The following DIP2B variants were observed in gnomAD, a reference collection of about 807,000 sequenced individuals.
DIP2B encodes the protein DIP2 acetate--CoA ligase B (putative).
DIP2B carries 76 observed loss-of-function variants against 198.0 expected under a neutral mutation model. The ratio of observed to expected loss-of-function variants is 0.38; its 90% CI spans 0.32 to 0.46. The LOEUF (loss-of-function observed/expected upper bound fraction) is 0.46. Among genes scored for constraint, DIP2B ranks in the 20% least tolerant of loss-of-function variants. DIP2B has a pLI of 0.99. For synonymous variants in DIP2B, 701 were observed against 739.1 expected, an observed-to-expected ratio of 0.95 and a Z score of 0.84; for missense variants, 1,559 against 1,978.4, an observed-to-expected ratio of 0.79 and a Z score of 4.02.
intron 1 of DIP2B, among the ~76,000 whole-genome samples, chr12:50,558,812 A>C (rs1958493150): frequency 6.6e-6 from 1 of 152,206 alleles, no homozygotes; most frequent in African/African-American, 2.4e-5. Context: ...TTGAAAACCC[A>C]GAAGGCTCAG....
intron 28 of DIP2B, 117 bp downstream of exon 28, chr12:50,725,003 CAG>C: frequency 2.0e-6 from 2 of 999,324 alleles, no homozygotes; most frequent in South Asian, 1.4e-5. Context: ...CCTGCTAAGA[CAG>C]AGGCAAAACC....
chr12:50,578,920 T>G (rs186432573), intron 1 of DIP2B, among the ~76,000 whole-genome samples: 2 of 152,324 alleles, frequency 1.3e-5, no homozygotes, highest in East Asian at 3.9e-4. Flanking sequence ...AACTGTACAC[T>G]TTTAAATTAT....
At position 50,748,127 on chromosome 12, in the gene DIP2B, T is replaced by TA. The variant is rs1447635737; in HGVS notation, c.*3290dup. The TA allele has an allele frequency of 3.3e-5, 5 of 152,658 alleles. No homozygotes were observed. The highest frequency in any genetic ancestry group is 1.2e-4 in the African/African-American group (5 of 41,450). 9.5% of individuals were successfully genotyped at this position (152,658 alleles called of 1,614,324 possible). On this transcript the variant is annotated 3_prime_UTR_variant, in exon 38 of 38. Coordinates refer to ENST00000301180, the MANE Select transcript of DIP2B (RefSeq NM_173602.3). ...GGGCCCGAGGCCTTAGGTTTTCTAT[T>TA]AAGGTCTCTGCCCCAGGCATGGTGC...
At chr12:50,623,392 TACACACACAC>T (rs55689070) in intron 1 of DIP2B, among the ~76,000 whole-genome samples, 1,923 of 94,168 alleles carry the variant, frequency 0.02, 19 homozygotes, top group Non-Finnish European at 0.027. Flanking sequence ...TATATGTATC[TACACACACAC>T]ACACACACAC....
At chr12:50,608,583 G>A (rs1274546896) in intron 1 of DIP2B, among the ~76,000 whole-genome samples, 1 of 148,436 alleles carries the variant, frequency 6.7e-6, no homozygotes, top group Non-Finnish European at 1.5e-5. Context: ...CTGAGTTCGT[G>A]CCACTACACT....
chr12:50,521,094 G>GTTTTTTTTTT (rs386376482), intron 1 of DIP2B, among the ~76,000 whole-genome samples: 3 of 94,320 alleles, frequency 3.2e-5, no homozygotes, highest in Non-Finnish European at 6.1e-5. Flanking sequence ...TTCAGCAACA[G>GTTTTTTTTTT]TTTTTTTTTT....
At chr12:50,624,330 T>C (rs1469314200) in intron 1 of DIP2B, among the ~76,000 whole-genome samples, 2 of 152,084 alleles carry the variant, frequency 1.3e-5, no homozygotes, top group Non-Finnish European at 2.9e-5. Flanking sequence ...TTCACCCTAC[T>C]TTCTTTCTTT....
chr12:50,579,885 G>A (rs1409548281), intron 1 of DIP2B, among the ~76,000 whole-genome samples: 1 of 151,060 alleles, frequency 6.6e-6, no homozygotes, highest in Non-Finnish European at 1.5e-5. Context: ...GATTGGCCTG[G>A]TAGGTGTGCT....
At chr12:50,676,677 C>T (rs2700477) in intron 7 of DIP2B, among the ~76,000 whole-genome samples, 146,561 of 152,312 alleles carry the variant, frequency 0.96, 70,762 homozygotes, top group East Asian at 1. Context: ...GAGTAATTGT[C>T]ACCTTTGGAA....
At chr12:50,640,545 T>A (rs1938237645) in intron 2 of DIP2B, among the ~76,000 whole-genome samples, 179 bp from the exon 3 acceptor site, 1 of 152,238 alleles carries the variant, frequency 6.6e-6, no homozygotes, top group Non-Finnish European at 1.5e-5. Context: ...TCTAAGATGA[T>A]ATTTTTTAGT....
chr12:50,617,665 C>G (rs925421360), intron 1 of DIP2B, among the ~76,000 whole-genome samples: 1 of 151,974 alleles, frequency 6.6e-6, no homozygotes, highest in Non-Finnish European at 1.5e-5. Context: ...AAAAATTACC[C>G]GGCAGTGGTG....
At chr12:50,539,902 G>C (rs1231353104) in intron 1 of DIP2B, among the ~76,000 whole-genome samples, 1 of 151,900 alleles carries the variant, frequency 6.6e-6, no homozygotes, top group Non-Finnish European at 1.5e-5. Flanking sequence ...GAATTCTTCT[G>C]ATTTGTCTTT....
intron 1 of DIP2B, among the ~76,000 whole-genome samples, chr12:50,563,685 G>A (rs1958539636): frequency 6.6e-6 from 1 of 150,382 alleles, no homozygotes; most frequent in African/African-American, 2.5e-5. Flanking sequence ...TTATGGGTAT[G>A]GGGTGTCACT....
At chr12:50,666,831 C>T (rs1197204786) in intron 4 of DIP2B, among the ~76,000 whole-genome samples, 1 of 152,074 alleles carries the variant, frequency 6.6e-6, no homozygotes, top group Admixed American at 6.5e-5. Context: ...ACCATCCTGG[C>T]TAACACGCTG....
rs867727897 is a variant in DIP2B, at chr12:50,541,959, G to A, written c.100+36719G>A. ...GGAGGTTGCAGTGAGCCGAAATTGC[G>A]CCACTGCACTCCAGCCTAGGTGACA... On this transcript the variant is annotated intron_variant, in intron 1 of 37. Coordinates refer to ENST00000301180, the MANE Select transcript of DIP2B (RefSeq NM_173602.3). Among the ~76,000 whole-genome samples the A allele has an allele frequency of 1.4e-4, 21 of 150,888 alleles. No individual in the cohort carries two copies. In the Middle Eastern group the frequency reaches 0.01, roughly 75 times the overall value.
intron 1 of DIP2B, among the ~76,000 whole-genome samples, chr12:50,533,720 C>G (rs552772467): frequency 6.6e-6 from 1 of 151,832 alleles, no homozygotes; most frequent in Non-Finnish European, 1.5e-5. Flanking sequence ...GCAATCCTCC[C>G]GCCTCAGCCT....
chr12:50,542,892 A>AG (rs1468991754), intron 1 of DIP2B, among the ~76,000 whole-genome samples: 1 of 152,032 alleles, frequency 6.6e-6, no homozygotes, highest in African/African-American at 2.4e-5. Context: ...TTCTTAGACA[A>AG]GGTCTCATTG....
intron 9 of DIP2B, among the ~76,000 whole-genome samples, chr12:50,682,682 A>G (rs1442602781): frequency 6.6e-6 from 1 of 151,586 alleles, no homozygotes; most frequent in Non-Finnish European, 1.5e-5. Context: ...TGGCCCTAAC[A>G]TGGTGATCAA....
intron 1 of DIP2B, among the ~76,000 whole-genome samples, chr12:50,595,534 G>T (rs1335910383): frequency 6.6e-6 from 1 of 152,062 alleles, no homozygotes; most frequent in Non-Finnish European, 1.5e-5. Context: ...TGAACTCCTA[G>T]GCTCAAGCAA....
Sources: allele counts gnomAD v4.1 joint callset (sites outside exome capture counted in the v4.1 genomes callset), GRCh38; gene constraint gnomAD v4.1.1; transcripts MANE v1.5; gene names NCBI Gene and HGNC (gene_info 2026-07-23, HGNC 2026-07-21).